The following RNF212 variants were observed in gnomAD, a reference collection of about 807,000 sequenced individuals.
RNF212 encodes probable E3 SUMO-protein ligase RNF212.
Under a neutral mutation model 34.7 loss-of-function variants are expected in RNF212, and 33 were observed. The observed-to-expected ratio is 0.95, with a 90% CI of 0.72 to 1.27. The LOEUF is 1.27. Ranked by LOEUF, RNF212 falls within the 50% of genes most tolerant of loss-of-function variation. The pLI is 0.00. For synonymous variants in RNF212, 140 were observed against 136.1 expected, an observed-to-expected ratio of 1.03 and a Z score of -0.20; for missense variants, 377 against 362.2, an observed-to-expected ratio of 1.04 and a Z score of -0.33.
chr4:1,102,183 TAAAGAG>T (rs1439226438), intron 2 of RNF212, among the ~76,000 whole-genome samples: 1 of 152,032 alleles, frequency 6.6e-6, no homozygotes, highest in Admixed American at 6.6e-5. Context: ...AAGGAAATGA[TAAAGAG>T]AATTAACAAA....
At chr4:1,076,375 C>G (rs62294719) in intron 8 of RNF212, among the ~76,000 whole-genome samples, 1 of 152,344 alleles carries the variant, frequency 6.6e-6, no homozygotes, top group Admixed American at 6.5e-5. Context: ...TTCTCCGAGT[C>G]CACCCAATGA....
upstream of RNF212, chr4:1,113,601 A>AAAGTCGACGG: frequency 1.7e-6 from 1 of 582,968 alleles, no homozygotes; most frequent in African/African-American, 2.0e-5. Flanking sequence ...GCGCCCGCGC[A>AAAGTCGACGG]CTGGAGCTCG....
intron 4 of RNF212, chr4:1,056,884 G>C (rs1438933523): frequency 1.4e-5 from 14 of 987,816 alleles, no homozygotes; most frequent in East Asian, 2.3e-4. Flanking sequence ...TGGGCGGCCG[G>C]GGGGGCAGCC....
Position 1,113,546 on chromosome 4 carries a change from C to T in RNF212, c.-82G>A. On this transcript the variant is annotated 5_prime_UTR_variant, in exon 1 of 10. Coordinates refer to ENST00000433731, the MANE Select transcript of RNF212 (RefSeq NM_001131034.4). ...GGGACCAGCCTCCCCGCGCAGGGCC[C>T]GAAGGCGGGCAGCTCTGCGCCTGCG... The T allele has an allele frequency of 3.4e-6, 4 of 1,168,758 alleles. No homozygotes were observed. The highest frequency in any genetic ancestry group is 2.9e-5 in the East Asian group (1 of 34,970). 72.4% of individuals were successfully genotyped at this position (1,168,758 alleles called of 1,614,324 possible). A position where few individuals can be genotyped will look rare whatever the true frequency, so the allele number is the denominator to read the frequency against.
chr4:1,098,774 A>G (rs1723457758), intron 2 of RNF212, among the ~76,000 whole-genome samples: 1 of 152,202 alleles, frequency 6.6e-6, no homozygotes, highest in Non-Finnish European at 1.5e-5. Flanking sequence ...CATGGCAAGT[A>G]GCAGGTGACA....
intron 8 of RNF212, among the ~76,000 whole-genome samples, chr4:1,078,376 T>C (rs1719682113): frequency 6.6e-6 from 1 of 152,156 alleles, no homozygotes; most frequent in African/African-American, 2.4e-5. Flanking sequence ...TCTCTCCCGT[T>C]TCCGAGCTGC....
chr4:1,075,359 C>T (rs60513579), intron 8 of RNF212, among the ~76,000 whole-genome samples: 58 of 152,328 alleles, frequency 3.8e-4, no homozygotes, highest in African/African-American at 1.1e-3. Context: ...TTCTGAGGGC[C>T]GTACAGGAAG....
At chr4:1,093,305 G>C in intron 3 of RNF212, 1 of 913,696 alleles carries the variant, frequency 1.1e-6, no homozygotes, top group Non-Finnish European at 1.5e-6. Flanking sequence ...AATTAAGACT[G>C]AGACAAATCT....
At chr4:1,071,456 G>A (rs1359110171), downstream of RNF212, 8 of 151,814 alleles carry the variant, frequency 5.3e-5, no homozygotes, top group South Asian at 2.1e-4. Flanking sequence ...GAGAACAAAG[G>A]ACAAGCCACA....
In RNF212 at chr4:1,072,854, AAT is replaced by A. The variant is rs1718655069; in HGVS notation, c.*18_*19del. The A allele has an allele frequency of 1.3e-6, 2 of 1,558,708 alleles. No homozygotes were observed. Among genetic ancestry groups the A allele is most frequent in the Middle Eastern group, 1.7e-4 (1 of 5,998 alleles). Reference sequence around the variant, plus strand: ...TAAATTGAAAACACTCAGAATCATTAATAGTCACATAAATGCAAATCAAAATG... The same window carrying A: ...TAAATTGAAAACACTCAGAATCATTAAGTCACATAAATGCAAATCAAAATG... On this transcript the variant is annotated 3_prime_UTR_variant, in exon 10 of 10. Transcript: ENST00000433731.
intron 1 of RNF212, among the ~76,000 whole-genome samples, chr4:1,111,019 T>C (rs1022704233): frequency 6.6e-6 from 1 of 152,136 alleles, no homozygotes; most frequent in Admixed American, 6.5e-5. Context: ...CTGAGCCCTG[T>C]CTTCACACTT....
chr4:1,112,487 T>G (rs1473665003), intron 1 of RNF212, among the ~76,000 whole-genome samples: 3 of 150,970 alleles, frequency 2.0e-5, no homozygotes, highest in Non-Finnish European at 4.4e-5. Flanking sequence ...CACAAAATTT[T>G]CACAGAAAGA....
Position 1,113,412 on chromosome 4 carries a change from G to T in RNF212, c.53C>A (p.Ser18Ter). The stretch of plus-strand genomic sequence containing the variant: ...CCCGCAGTTGGTGAGGCTGAAGCAC[G>T]ACGTCCTGTGGGGCGGCTGGAAGCA... ...NRCFQPPHRTSCFSLTNCGHV... is the reference protein window; with the variant it reads ...NRCFQPPHRT Residue 18 changes from serine (S) to a stop codon, truncating the protein, a stop_gained, in exon 1 of 10, where the codon TCG becomes TAG. Coordinates refer to ENST00000433731, the MANE Select transcript of RNF212 (RefSeq NM_001131034.4). LOFTEE classifies it high-confidence loss of function. The T allele has an allele frequency of 1.2e-6, 2 of 1,606,208 alleles. No individual in the cohort carries two copies. The highest frequency in any genetic ancestry group is 1.4e-5 in the African/African-American group (1 of 73,882).
intron 3 of RNF212, among the ~76,000 whole-genome samples, chr4:1,066,264 T>C (rs1249146787): frequency 6.6e-6 from 1 of 152,180 alleles, no homozygotes; most frequent in East Asian, 1.9e-4. Context: ...CGATGAACGA[T>C]GAGTATCTTT....
downstream of RNF212, among the ~76,000 whole-genome samples, chr4:1,071,116 T>A (rs544371090): frequency 5.0e-4 from 76 of 152,070 alleles, no homozygotes; most frequent in Non-Finnish European, 7.4e-5. Flanking sequence ...AAAACTAATT[T>A]GTTTTTTTAA....
chr4:1,106,731 C>A (rs1050641318), intron 2 of RNF212, among the ~76,000 whole-genome samples: 1 of 152,160 alleles, frequency 6.6e-6, no homozygotes, highest in African/African-American at 2.4e-5. Flanking sequence ...GGGCTTAGTG[C>A]GAGGGTACCG....
At chr4:1,108,491 G>T in intron 1 of RNF212, 87 bp from the exon 2 acceptor site, 1 of 628,742 alleles carries the variant, frequency 1.6e-6, no homozygotes, top group Non-Finnish European at 2.5e-6. Context: ...GTTTCTCCAA[G>T]AAATAGGCAG....
upstream of RNF212, chr4:1,113,638 T>G (rs533463640): frequency 6.0e-6 from 3 of 497,716 alleles, no homozygotes; most frequent in South Asian, 2.8e-5. Context: ...TCGCGGGTTC[T>G]CCCGCAGCAC....
At chr4:1,077,270 A>G (rs1274954899) in intron 8 of RNF212, among the ~76,000 whole-genome samples, 1 of 152,180 alleles carries the variant, frequency 6.6e-6, no homozygotes, top group African/African-American at 2.4e-5. Flanking sequence ...AAAAGACAGA[A>G]AATGCCCATG....
Sources: gnomAD v4.1 joint callset for allele counts (sites outside exome capture counted in the v4.1 genomes callset) on GRCh38, gnomAD v4.1.1 for gene constraint, MANE v1.5 for transcripts, NCBI Gene and HGNC (gene_info 2026-07-23, HGNC 2026-07-21) for gene names.